The following NEBL variants were observed in gnomAD, a reference collection of about 807,000 sequenced individuals.
NEBL encodes nebulette, also known as LIM and SH3 protein 2.
In NEBL, 122 loss-of-function variants were observed where a neutral mutation model predicts 140.2. The observed-to-expected ratio is 0.87, with a 90% CI of 0.75 to 1.01. The LOEUF (loss-of-function observed/expected upper bound fraction) is 1.01. Ranked by LOEUF, NEBL falls within the 50% of genes least tolerant of loss-of-function variation. NEBL has a pLI of 0.00. For synonymous variants in NEBL, 436 were observed against 398.9 expected, an observed-to-expected ratio of 1.09 and a Z score of -1.11; for missense variants, 1,365 against 1,231.3, an observed-to-expected ratio of 1.11 and a Z score of -1.62.
chr10:21,038,545 TC>T (rs1308919672), intron 2 of NEBL, among the ~76,000 whole-genome samples: 4 of 152,244 alleles, frequency 2.6e-5, no homozygotes, highest in Non-Finnish European at 5.9e-5. Flanking sequence ...ATGAACTCAT[TC>T]TTTTTTATGG....
intron 3 of NEBL, among the ~76,000 whole-genome samples, chr10:21,235,821 A>G (rs553035916): frequency 5.9e-5 from 9 of 152,298 alleles, no homozygotes; most frequent in African/African-American, 1.9e-4. Flanking sequence ...CAAGACAGAA[A>G]AAGTGTTTTA....
chr10:20,943,650 A>C (rs1466730264), intron 4 of NEBL, among the ~76,000 whole-genome samples: 3 of 152,182 alleles, frequency 2.0e-5, no homozygotes, highest in African/African-American at 7.2e-5. Flanking sequence ...TAGCATAGGA[A>C]GTTATTTCTT....
chr10:20,849,934 T>C (rs1842342340), intron 11 of NEBL, among the ~76,000 whole-genome samples: 1 of 152,086 alleles, frequency 6.6e-6, no homozygotes, highest in East Asian at 1.9e-4. Flanking sequence ...AGCTGACATA[T>C]ATAAGACTCT....
rs553358478 is a variant in NEBL, at chr10:21,201,994, G to A, written n.349-29517C>T. On this transcript the variant is annotated intron_variant and non_coding_transcript_variant, in intron 3 of 8. Transcript: ENST00000675702. ...TTTCAACATTTTTCTTCCTCTCTTGGCATCCTTTGGGTATTTTGCACTGTA... is the reference window on the plus strand; with the variant it reads ...TTTCAACATTTTTCTTCCTCTCTTGACATCCTTTGGGTATTTTGCACTGTA... Among the ~76,000 whole-genome samples the A allele has an allele frequency of 1.2e-3, 190 of 152,124 alleles. 2 individuals carry two copies. Among genetic ancestry groups the A allele is most frequent in the African/African-American group, 4.3e-3 (179 of 41,482 alleles).
intron 1 of NEBL, among the ~76,000 whole-genome samples, chr10:21,286,768 G>A (rs1201198592): frequency 7.2e-5 from 11 of 152,152 alleles, no homozygotes; most frequent in Non-Finnish European, 8.8e-5. Context: ...GAACTTGGGA[G>A]GCGGAGGTTG....
At chr10:21,239,870 G>T (rs1387431347) in intron 3 of NEBL, among the ~76,000 whole-genome samples, 1 of 151,922 alleles carries the variant, frequency 6.6e-6, no homozygotes, top group African/African-American at 2.4e-5. Flanking sequence ...CAAAAAATTA[G>T]CCGGGCATCG....
chr10:21,017,007 G>A (rs950728549), intron 3 of NEBL, among the ~76,000 whole-genome samples: 1 of 152,082 alleles, frequency 6.6e-6, no homozygotes. Context: ...GCAATTCTTT[G>A]CTTACAGATC....
intron 2 of NEBL, among the ~76,000 whole-genome samples, chr10:21,095,956 C>G (rs1049007111): frequency 1.3e-5 from 2 of 152,134 alleles, no homozygotes; most frequent in Non-Finnish European, 2.9e-5. Context: ...GTTGCAGCTT[C>G]CTAGTCAGTA....
At chr10:21,011,776 C>T (rs1488830250) in intron 3 of NEBL, among the ~76,000 whole-genome samples, 1 of 152,226 alleles carries the variant, frequency 6.6e-6, no homozygotes, top group South Asian at 2.1e-4. Context: ...TTCCATGCTT[C>T]TCGTTGAGGT....
intron 5 of NEBL, among the ~76,000 whole-genome samples, chr10:20,878,579 T>C (rs1845728863): frequency 6.6e-6 from 1 of 152,218 alleles, no homozygotes. Context: ...TTAAATTTCA[T>C]ATTGTAGGGA....
chr10:20,831,522 T>G lies in NEBL; in HGVS notation c.1511A>C (p.Asp504Ala). Residue 504 changes from aspartate to alanine, a missense_variant, in exon 15 of 28, where the codon GAC becomes GCC. Physicochemically the swap from Asp to Ala is moderately radical, Grantham distance 126 (BLOSUM62 -2). This residue lies in a region of NEBL where 1,323 missense variants were observed against 1,154.8 expected (regional missense o/e 1.15). Transcript: ENST00000377122. Reference protein sequence around the residue: ...IKGKGMQVSTDTLDVQRAKKA... With the variant: ...IKGKGMQVSTATLDVQRAKKA... The stretch of plus-strand genomic sequence containing the variant: ...CTTAGCTCTCTGGACATCAAGAGTG[T>G]CTGTGCTCACCTGCATCCCTTTCCC... 6.2e-7 allele frequency: 1 copy of G among 1,612,820 alleles called. No individual in the cohort carries two copies. Among genetic ancestry groups the G allele is most frequent in the South Asian group, 1.1e-5 (1 of 91,024 alleles).
intron 3 of NEBL, among the ~76,000 whole-genome samples, chr10:20,979,774 A>G (rs1435086432): frequency 6.6e-6 from 1 of 152,172 alleles, no homozygotes; most frequent in Non-Finnish European, 1.5e-5. Context: ...TGGTGCAATC[A>G]TGGCTCACTG....
chr10:21,116,467 G>C (rs1838288853), intron 2 of NEBL, among the ~76,000 whole-genome samples: 1 of 152,038 alleles, frequency 6.6e-6, no homozygotes, highest in Non-Finnish European at 1.5e-5. Flanking sequence ...TTACCAAAGT[G>C]TCCATCTCCA....
At chr10:20,798,193 A>G (rs1836761834) in intron 26 of NEBL, among the ~76,000 whole-genome samples, 1 of 152,130 alleles carries the variant, frequency 6.6e-6, no homozygotes, top group Non-Finnish European at 1.5e-5. Context: ...AAATCTCGCC[A>G]CAAGGGATAA....
intron 3 of NEBL, among the ~76,000 whole-genome samples, chr10:20,985,480 T>G (rs760885817): frequency 1.2e-4 from 19 of 152,162 alleles, no homozygotes; most frequent in Non-Finnish European, 2.4e-4. Flanking sequence ...TCTCTAACAT[T>G]CTAATAAGAT....
At chr10:20,907,749 G>C (rs1023092655) in intron 4 of NEBL, among the ~76,000 whole-genome samples, 2 of 152,126 alleles carry the variant, frequency 1.3e-5, no homozygotes. Context: ...CAACAGAAAA[G>C]ACCTTCATCA....
chr10:21,107,380 C>G (rs1210301892), intron 2 of NEBL, among the ~76,000 whole-genome samples: 1 of 151,988 alleles, frequency 6.6e-6, no homozygotes, highest in Non-Finnish European at 1.5e-5. Flanking sequence ...AGCATGAAGA[C>G]CTGTTGAATT....
intron 2 of NEBL, among the ~76,000 whole-genome samples, chr10:21,024,755 C>T (rs1056974141): frequency 2.0e-5 from 3 of 152,028 alleles, no homozygotes; most frequent in Admixed American, 6.6e-5. Flanking sequence ...TAATCTAATC[C>T]GACAACATTC....
At chr10:20,955,047 G>T (rs1265826262) in intron 4 of NEBL, among the ~76,000 whole-genome samples, 1 of 152,196 alleles carries the variant, frequency 6.6e-6, no homozygotes, top group Non-Finnish European at 1.5e-5. Context: ...ATGATCAGAT[G>T]TGCATTTTAG....
Sources: allele counts gnomAD v4.1 joint callset (sites outside exome capture counted in the v4.1 genomes callset), GRCh38; gene constraint gnomAD v4.1.1; regional missense constraint gnomAD v4.1.1; transcripts MANE v1.5; gene names NCBI Gene and HGNC (gene_info 2026-07-23, HGNC 2026-07-21).